The following SAMMSON variants were observed in gnomAD, a reference collection of about 807,000 sequenced individuals.
The protein encoded by SAMMSON is long intergenic non-protein coding RNA 1212.
intron 9 of SAMMSON, among the ~76,000 whole-genome samples, chr3:70,382,393 G>T (rs897527024): frequency 6.6e-6 from 1 of 152,032 alleles, no homozygotes. Flanking sequence ...TTACATCAGT[G>T]GTTCTCAAAT....
intron 9 of SAMMSON, among the ~76,000 whole-genome samples, chr3:70,374,013 C>T (rs1277522409): frequency 2.0e-5 from 3 of 152,196 alleles, no homozygotes; most frequent in South Asian, 2.1e-4. Flanking sequence ...CTCCCAGGTT[C>T]AAGCGATTCT....
chr3:70,310,498 T>G (rs934663129), intron 7 of SAMMSON, among the ~76,000 whole-genome samples: 3 of 152,002 alleles, frequency 2.0e-5, no homozygotes, highest in African/African-American at 7.3e-5. Flanking sequence ...CCTGAGTAGC[T>G]GGGACTACAG....
At chr3:70,310,335 T>G (rs1382547168) in intron 7 of SAMMSON, among the ~76,000 whole-genome samples, 3 of 151,826 alleles carry the variant, frequency 2.0e-5, no homozygotes, top group Non-Finnish European at 2.9e-5. Flanking sequence ...CTTTTTAAAA[T>G]AAGTATATTT....
At chr3:70,040,479 T>A (rs1339559558) in intron 3 of SAMMSON, among the ~76,000 whole-genome samples, 2 of 152,186 alleles carry the variant, frequency 1.3e-5, no homozygotes, top group Admixed American at 6.6e-5. Context: ...CTATCCTTTG[T>A]AGAAAACAGC....
intron 3 of SAMMSON, among the ~76,000 whole-genome samples, chr3:70,034,127 G>A (rs1390427844): frequency 6.6e-6 from 1 of 152,084 alleles, no homozygotes; most frequent in African/African-American, 2.4e-5. Flanking sequence ...AAATGGTGAA[G>A]GGGAAGGAGA....
intron 6 of SAMMSON, among the ~76,000 whole-genome samples, chr3:70,283,451 G>T (rs1653534956): frequency 6.6e-6 from 1 of 152,022 alleles, no homozygotes; most frequent in South Asian, 2.1e-4. Context: ...AAAGAGCAAG[G>T]GCCTTGAAGA....
At chr3:70,313,424 G>T (rs945395340) in intron 7 of SAMMSON, among the ~76,000 whole-genome samples, 4 of 151,474 alleles carry the variant, frequency 2.6e-5, no homozygotes, top group Non-Finnish European at 5.9e-5. Flanking sequence ...GCAGCAGTGA[G>T]CCCTGATTGT....
intron 6 of SAMMSON, among the ~76,000 whole-genome samples, chr3:70,269,729 G>A (rs1575611329): frequency 7.1e-6 from 1 of 141,318 alleles, no homozygotes; most frequent in Admixed American, 6.8e-5. Flanking sequence ...TGACAAAACT[G>A]TTTTAAAAAA....
chr3:70,164,694 G>A (rs2067629888), intron 4 of SAMMSON, among the ~76,000 whole-genome samples: 1 of 151,906 alleles, frequency 6.6e-6, no homozygotes, highest in Non-Finnish European at 1.5e-5. Flanking sequence ...ACCTCTCTGT[G>A]GCTATACTTC....
At chr3:70,234,249 T>A (rs1701587957) in intron 4 of SAMMSON, among the ~76,000 whole-genome samples, 1 of 152,194 alleles carries the variant, frequency 6.6e-6, no homozygotes, top group African/African-American at 2.4e-5. Flanking sequence ...AAAAAATACA[T>A]TTGTTTATTT....
At chr3:70,182,180 A>G (rs1701058472) in intron 4 of SAMMSON, among the ~76,000 whole-genome samples, 2 of 152,054 alleles carry the variant, frequency 1.3e-5, no homozygotes, top group African/African-American at 4.8e-5. Flanking sequence ...CCTATGGCAT[A>G]TGCCCTCAGA....
At chr3:70,116,292 C>CTTTCTT (rs558685403) in intron 4 of SAMMSON, among the ~76,000 whole-genome samples, 16 of 118,216 alleles carry the variant, frequency 1.4e-4, no homozygotes, top group Non-Finnish European at 2.8e-4. Flanking sequence ...GCGATGCTTT[C>CTTTCTT]TTTTTTTTTT....
At chr3:70,023,219 G>A (rs1484413025) in intron 3 of SAMMSON, among the ~76,000 whole-genome samples, 1 of 152,090 alleles carries the variant, frequency 6.6e-6, no homozygotes, top group African/African-American at 2.4e-5. Flanking sequence ...CACTTTGGGA[G>A]GCCGAGGCAG....
chr3:70,396,295 G>C (rs1180796576), intron 2 of SAMMSON, among the ~76,000 whole-genome samples: 1 of 152,152 alleles, frequency 6.6e-6, no homozygotes, highest in African/African-American at 2.4e-5. Context: ...TAAAGGGCTA[G>C]GTCAATGTAA....
Position 70,341,046 on chromosome 3 carries a change from A to G in SAMMSON, n.740-13129A>G, listed in dbSNP as rs139393196. 7.2e-5 allele frequency among the ~76,000 whole-genome samples: 11 copies of G among 152,234 alleles called. No individual in the cohort carries two copies. In the East Asian group the frequency reaches 2.1e-3, roughly 29 times the overall value. On this transcript the variant is annotated intron_variant and non_coding_transcript_variant, in intron 7 of 9. Coordinates refer to ENST00000642114, the Ensembl canonical transcript of SAMMSON. ...CTGTGTAATTAAAATGTGATTTTGT[A>G]TATCAGGCTAAGTGCCATACATATG...
chr3:70,331,109 A>T (rs926930439), intron 7 of SAMMSON, among the ~76,000 whole-genome samples: 1 of 152,182 alleles, frequency 6.6e-6, no homozygotes, highest in African/African-American at 2.4e-5. Flanking sequence ...CAAAACATGA[A>T]TCCTTCAACG....
intron 6 of SAMMSON, among the ~76,000 whole-genome samples, chr3:70,275,082 A>G (rs987598551): frequency 6.6e-6 from 1 of 152,208 alleles, no homozygotes. Flanking sequence ...GCTGTTATTT[A>G]TAACCTCCAA....
At position 70,288,805 on chromosome 3, in the gene SAMMSON, A is replaced by G. The variant is rs1275487142; in HGVS notation, n.675-2374A>G. ...TTCTTGTTGAATTGATCCCTTTACC[A>G]TTATGTAATGGCCTTCTTTGTCTGT... On this transcript the variant is annotated intron_variant and non_coding_transcript_variant, in intron 6 of 9. Transcript: ENST00000642114. Among the ~76,000 whole-genome samples, 3 of 151,600 alleles carry G rather than the reference A, an allele frequency of 2.0e-5. No individual in the cohort carries two copies. The South Asian group carries it at 6.3e-4, about 32-fold the overall frequency.
At chr3:70,023,750 G>T (rs762378463) in intron 3 of SAMMSON, among the ~76,000 whole-genome samples, 1 of 152,034 alleles carries the variant, frequency 6.6e-6, no homozygotes, top group Non-Finnish European at 1.5e-5. Context: ...TCTCTATTTC[G>T]AGCTCTTGCC....
Sources: gnomAD v4.1 joint callset for allele counts (sites outside exome capture counted in the v4.1 genomes callset) on GRCh38, gnomAD v4.1.1 for gene constraint, MANE v1.5 for transcripts, NCBI Gene and HGNC (gene_info 2026-07-23, HGNC 2026-07-21) for gene names.